USP32: variants seen among roughly 807,000 people sequenced by gnomAD.
USP32 encodes ubiquitin carboxyl-terminal hydrolase 32.
USP32 carries 59 observed loss-of-function variants against 204.8 expected under a neutral mutation model. The observed-to-expected ratio is 0.29, with a 90% confidence interval of 0.23 to 0.36. USP32 has a LOEUF of 0.36. USP32 is among the 10% of genes least tolerant of loss of function. USP32 has a pLI of 1.00. For synonymous variants in USP32, 517 were observed against 678.4 expected (o/e 0.76, Z 3.70); for missense variants, 1,160 against 1,946.4 (o/e 0.60, Z 7.60).
intron 5 of USP32, among the ~76,000 whole-genome samples, chr17:60,286,773 C>T (rs1315607443): frequency 6.6e-6 from 1 of 152,226 alleles, no homozygotes; most frequent in Non-Finnish European, 1.5e-5. Flanking sequence ...CCCTCCCTCA[C>T]CAAGAACTCC....
chr17:60,205,401 A>G lies in USP32; in HGVS notation c.3249+46T>C, dbSNP rs182053068. 4.1e-4 allele frequency: 651 copies of G among 1,588,638 alleles called. 5 individuals carry two copies. In the African/African-American group the frequency reaches 7.5e-3, roughly 18 times the overall value. ...AAGACAGAAAATGACTATTTCACAA[A>G]TGACACTAGCAAGACTGGCAGTGAG... On this transcript the variant is annotated intron_variant, in intron 26 of 33. Transcript: ENST00000300896.
intron 26 of USP32, among the ~76,000 whole-genome samples, chr17:60,203,396 C>CAAAAAAAAA (rs554691150): frequency 5.7e-4 from 14 of 24,376 alleles, no homozygotes; most frequent in African/African-American, 1.9e-3. Context: ...GCGAGACTGT[C>CAAAAAAAAA]AAAAAAAAAA....
In USP32 at chr17:60,242,446, C is replaced by T. The variant is rs140694577; in HGVS notation, c.1137-6206G>A. ...TTTCTTTTTTCAGGCAGAGTCTCAC[C>T]GTCACCCAGGCTGGGGTGTAGTGGC... is the stretch of plus-strand genomic sequence containing the variant. On this transcript the variant is annotated intron_variant, in intron 11 of 33. Coordinates refer to ENST00000300896, the MANE Select transcript of USP32 (RefSeq NM_032582.4). Among the ~76,000 whole-genome samples the T allele has an allele frequency of 1.6e-3, 236 of 152,104 alleles. 1 individual carries two copies. Among genetic ancestry groups the T allele is most frequent in the East Asian group, 5.2e-3 (27 of 5,176 alleles).
chr17:60,287,491 T>C (rs977826943), intron 5 of USP32, among the ~76,000 whole-genome samples: 3 of 152,140 alleles, frequency 2.0e-5, no homozygotes, highest in Non-Finnish European at 4.4e-5. Context: ...ATTTACCTGG[T>C]CCTCTTTGCT....
chr17:60,348,644 C>T (rs1291215925), intron 1 of USP32, among the ~76,000 whole-genome samples: 2 of 151,906 alleles, frequency 1.3e-5, no homozygotes, highest in Non-Finnish European at 2.9e-5. Context: ...CTTGGTGGCA[C>T]GTGCCTATAG....
intron 9 of USP32, among the ~76,000 whole-genome samples, chr17:60,259,333 G>C (rs1358926692): frequency 6.6e-6 from 1 of 152,144 alleles, no homozygotes; most frequent in Admixed American, 6.6e-5. Flanking sequence ...TAGCATATAT[G>C]CCCTTTTTGT....
chr17:60,287,980 G>C (rs1011488068), intron 5 of USP32, among the ~76,000 whole-genome samples: 5 of 151,912 alleles, frequency 3.3e-5, no homozygotes, highest in Non-Finnish European at 5.9e-5. Flanking sequence ...CAGGCATGGT[G>C]GTGGGCGCCT....
chr17:60,299,553 C>T (rs1420478857), intron 3 of USP32, among the ~76,000 whole-genome samples: 2 of 152,218 alleles, frequency 1.3e-5, no homozygotes, highest in Non-Finnish European at 2.9e-5. Flanking sequence ...GTGTGGACCC[C>T]TCATGATCTA....
intron 1 of USP32, among the ~76,000 whole-genome samples, chr17:60,363,320 C>A (rs1003787561): frequency 1.3e-5 from 2 of 151,004 alleles, no homozygotes; most frequent in East Asian, 2.0e-4. Context: ...CTGGGCGTAG[C>A]GGCGTGCACC....
chr17:60,356,392 T>C (rs1422832092), intron 1 of USP32, among the ~76,000 whole-genome samples: 1 of 152,054 alleles, frequency 6.6e-6, no homozygotes. Context: ...AATTCCCATA[T>C]CTCTCACTTT....
chr17:60,420,750 A>C (rs975526409), intron 1 of USP32, among the ~76,000 whole-genome samples: 15 of 152,220 alleles, frequency 9.9e-5, no homozygotes, highest in Non-Finnish European at 1.0e-4. Context: ...AAAAATACAG[A>C]TAATATGTGA....
intron 2 of USP32, among the ~76,000 whole-genome samples, chr17:60,326,958 T>C (rs1412390228): frequency 9.2e-6 from 1 of 108,374 alleles, no homozygotes; most frequent in East Asian, 3.0e-4. Context: ...AGAATAGTGG[T>C]TACTAGAGGC....
intron 1 of USP32, among the ~76,000 whole-genome samples, chr17:60,412,534 CAAAA>C (rs202179814): frequency 1.8e-5 from 2 of 108,608 alleles, no homozygotes; most frequent in Non-Finnish European, 3.9e-5. Flanking sequence ...TACCCTGTTT[CAAAA>C]AAAAAAAAAA....
intron 2 of USP32, among the ~76,000 whole-genome samples, chr17:60,342,913 G>A (rs1235991357): frequency 9.9e-5 from 15 of 152,104 alleles, no homozygotes; most frequent in Non-Finnish European, 1.8e-4. Flanking sequence ...GCTTCACCTC[G>A]CCCTCCGTGG....
At chr17:60,227,258 CTTTTCTTT>C (rs940960556) in intron 12 of USP32, among the ~76,000 whole-genome samples, 21 of 145,944 alleles carry the variant, frequency 1.4e-4, no homozygotes, top group Non-Finnish European at 2.4e-4. Context: ...CACTAGTTTT[CTTTTCTTT>C]TTTTCTTTTT....
intron 2 of USP32, among the ~76,000 whole-genome samples, chr17:60,308,349 T>G (rs1233402403): frequency 6.6e-6 from 1 of 152,058 alleles, no homozygotes; most frequent in Non-Finnish European, 1.5e-5. Flanking sequence ...CAGAGACCCA[T>G]AACCTGCCCA....
chr17:60,343,810 T>C (rs1356238378), intron 2 of USP32, among the ~76,000 whole-genome samples: 1 of 152,106 alleles, frequency 6.6e-6, no homozygotes, highest in Non-Finnish European at 1.5e-5. Flanking sequence ...GGCGGGTAGG[T>C]CACCTGCGGT....
At chr17:60,346,258 T>C (rs1216764280) in intron 1 of USP32, among the ~76,000 whole-genome samples, 1 of 152,094 alleles carries the variant, frequency 6.6e-6, no homozygotes, top group African/African-American at 2.4e-5. Context: ...ATTCTTAACA[T>C]TCAATTTTCA....
chr17:60,228,829 TG>T (rs1874051049), intron 12 of USP32, among the ~76,000 whole-genome samples: 2 of 149,428 alleles, frequency 1.3e-5, no homozygotes, highest in African/African-American at 5.0e-5. Flanking sequence ...TTGTTTTTTT[TG>T]TTTTTGTTTT....
Sources: gnomAD v4.1 joint callset for allele counts (sites outside exome capture counted in the v4.1 genomes callset) on GRCh38, gnomAD v4.1.1 for gene constraint, MANE v1.5 for transcripts, NCBI Gene and HGNC (gene_info 2026-07-23, HGNC 2026-07-21) for gene names.